Variants in TMPRSS15 observed in about 807,000 individuals in gnomAD.
The protein encoded by TMPRSS15 is transmembrane serine protease 15.
In TMPRSS15, 128 loss-of-function variants were observed where a neutral mutation model predicts 125.3. The observed-to-expected ratio is 1.02, with a 90% CI of 0.89 to 1.18. The LOEUF (loss-of-function observed/expected upper bound fraction) is 1.18, where lower values mean the gene tolerates loss of function less well. TMPRSS15 is among the 50% of genes most tolerant of loss of function. TMPRSS15 has a pLI of 0.00. For missense variants in TMPRSS15, 1,283 were observed against 1,212.7 expected (o/e 1.06, Z -0.86); for synonymous variants, 446 against 423.2 (o/e 1.05, Z -0.66).
At chr21:18,329,507 T>G (rs2075324286) in intron 14 of TMPRSS15, among the ~76,000 whole-genome samples, 1 of 151,680 alleles carries the variant, frequency 6.6e-6, no homozygotes, top group Non-Finnish European at 1.5e-5. Context: ...TATAGTAACA[T>G]TTCAATTAAA....
intron 8 of TMPRSS15, among the ~76,000 whole-genome samples, chr21:18,358,541 C>A (rs2147019097): frequency 6.6e-6 from 1 of 151,650 alleles, no homozygotes; most frequent in East Asian, 1.9e-4. Context: ...TTTTTAAGAG[C>A]AAATGTGACT....
intron 10 of TMPRSS15, among the ~76,000 whole-genome samples, chr21:18,345,284 A>G (rs1266193772): frequency 6.6e-6 from 1 of 152,148 alleles, no homozygotes; most frequent in Non-Finnish European, 1.5e-5. Flanking sequence ...TACATATCTT[A>G]GCTATTTTGT....
Position 18,413,312 on chromosome 21 carries a change from TTTCCTTCCTTCCTTCCTTCC to T in TMPRSS15, c.11-15003_11-14984del, listed in dbSNP as rs749971208. ...TCTTTCTTTTCTTTCTTTTCTTTCTTTTCCTTCCTTCCTTCCTTCCTTCCTTCCTTCCTTCCTTCCTTCCT... is the reference window on the plus strand; with the variant it reads ...TCTTTCTTTTCTTTCTTTTCTTTCTTTTCCTTCCTTCCTTCCTTCCTTCCT... On this transcript the variant is annotated intron_variant, in intron 1 of 7. Transcript: ENST00000422787. 2.1e-3 allele frequency among the ~76,000 whole-genome samples: 197 copies of T among 94,862 alleles called. 1 individual carries two copies. Among genetic ancestry groups the T allele is most frequent in the African/African-American group, 7.1e-3 (174 of 24,352 alleles). The allele number at this position is 94,862 out of a possible 152,430, so 62.2% of individuals were successfully genotyped here. A position where few individuals can be genotyped will look rare whatever the true frequency, so the allele number is the denominator to read the frequency against.
At chr21:18,397,780 A>G in intron 3 of TMPRSS15, 99 bp downstream of exon 3, 1 of 640,750 alleles carries the variant, frequency 1.6e-6, no homozygotes, top group Non-Finnish European at 2.6e-6. Context: ...GAAAAATTTA[A>G]ATATTCCTCT....
At chr21:18,385,606 A>G (rs2075936557) in intron 3 of TMPRSS15, among the ~76,000 whole-genome samples, 1 of 152,220 alleles carries the variant, frequency 6.6e-6, no homozygotes, top group African/African-American at 2.4e-5. Context: ...CCTTGAGACC[A>G]TGAGTGAGGC....
At chr21:18,456,900 A>G (rs2068644730) in intron 1 of TMPRSS15, among the ~76,000 whole-genome samples, 1 of 152,110 alleles carries the variant, frequency 6.6e-6, no homozygotes, top group Non-Finnish European at 1.5e-5. Context: ...ACTGTTCTAG[A>G]AAATAAGATG....
intron 1 of TMPRSS15, among the ~76,000 whole-genome samples, chr21:18,476,270 G>C (rs1978878194): frequency 6.6e-6 from 1 of 152,100 alleles, no homozygotes; most frequent in African/African-American, 2.4e-5. Context: ...AATACTTCTT[G>C]ACAAGAAAAG....
chr21:18,352,939 C>T lies in TMPRSS15; in HGVS notation c.1135G>A (p.Gly379Arg). The change falls in exon 10 of 25, where the codon GGA becomes AGA. Residue 379 changes from glycine (G) to arginine (R), a missense_variant. Transcript: ENST00000284885. ...CCAAAAGTGTGGTCAAAATTGGGTCCAGTAAAAGGAGAAAAGGTGCTTCCC... is the reference window on the plus strand; with the variant it reads ...CCAAAAGTGTGGTCAAAATTGGGTCTAGTAAAAGGAGAAAAGGTGCTTCCC... ...IQGSTFSPFT[G>R]PNFDHTFGNA... 1.2e-6 allele frequency: 2 copies of T among 1,612,192 alleles called. No individual in the cohort carries two copies. The highest frequency in any genetic ancestry group is 1.7e-6 in the Non-Finnish European group (2 of 1,178,842).
chr21:18,367,722 G>T (rs1275671768), intron 6 of TMPRSS15, among the ~76,000 whole-genome samples: 1 of 152,088 alleles, frequency 6.6e-6, no homozygotes, highest in Non-Finnish European at 1.5e-5. Flanking sequence ...CTATGTGCCG[G>T]TCATTTTCTA....
At chr21:18,321,598 G>A (rs3787584) in intron 16 of TMPRSS15, among the ~76,000 whole-genome samples, 1 of 151,946 alleles carries the variant, frequency 6.6e-6, no homozygotes, top group African/African-American at 2.4e-5. Flanking sequence ...CGATCCGCCC[G>A]CCTTGGCCTC....
intron 11 of TMPRSS15, 67 bp downstream of exon 11, chr21:18,343,888 G>T: frequency 7.1e-7 from 1 of 1,414,934 alleles, no homozygotes; most frequent in Non-Finnish European, 1.0e-6. Flanking sequence ...ATATGAGCCT[G>T]GTGGCCTGAG....
chr21:18,308,081 G>A (rs2075055970), intron 18 of TMPRSS15, among the ~76,000 whole-genome samples: 1 of 152,132 alleles, frequency 6.6e-6, no homozygotes, highest in Admixed American at 6.6e-5. Flanking sequence ...CTAAGTTCCT[G>A]AGTCTATACA....
rs909542679 is a variant in TMPRSS15 at position 18,285,757 on chromosome 21, C to A, written c.2487-4536G>T. On this transcript the variant is annotated intron_variant, in intron 21 of 24. Transcript: ENST00000284885. ...GTGACTCTCATATAATGATCATTAT[C>A]ATTACCACAGTTAAAAGAAAAGAGT... Among the ~76,000 whole-genome samples the A allele has an allele frequency of 9.2e-5, 14 of 152,278 alleles. No homozygotes were observed. In the East Asian group the frequency reaches 1.4e-3, roughly 15 times the overall value.
At position 18,354,100 on chromosome 21, in the gene TMPRSS15, G is replaced by T. The variant is rs578238595; in HGVS notation, c.881-237C>A. On this transcript the variant is annotated intron_variant, in intron 8 of 24. Transcript: ENST00000284885. ...ACATATTTATGGTTTGATAAAAAAG[G>T]TATTTTTAATTTTTAATTGTTAGCT... Among the ~76,000 whole-genome samples the T allele has an allele frequency of 7.6e-4, 116 of 151,824 alleles. No individual in the cohort carries two copies. The Middle Eastern group carries it at 0.01, about 13-fold the overall frequency.
Position 18,269,997 on chromosome 21 carries a change from G to C in TMPRSS15, c.3032C>G (p.Thr1011Ser), listed in dbSNP as rs1036805136. 6.2e-7 allele frequency: 1 copy of C among 1,613,772 alleles called. No individual in the cohort carries two copies. The highest frequency in any genetic ancestry group is 1.7e-5 in the Admixed American group (1 of 59,992). Residue 1011 changes from threonine to serine, a missense_variant, in exon 25 of 25, where the codon ACC (threonine) becomes AGC (serine). Physicochemically the swap from Thr to Ser is moderately conservative, Grantham distance 58. Transcript: ENST00000284885. The part of the protein sequence containing the change: ...PGVYARVSRF[T>S]EWIQSFLH ...ATGTAGAAAACTTTGTATCCATTCG[G>C]TAAACCTTGAGACCCTGGCATACAC...
At chr21:18,436,141 C>A (rs1479465745) in intron 1 of TMPRSS15, among the ~76,000 whole-genome samples, 1 of 151,248 alleles carries the variant, frequency 6.6e-6, no homozygotes, top group African/African-American at 2.4e-5. Flanking sequence ...TTTAGTTCTG[C>A]TCTGATTTTA....
chr21:18,409,141 A>G (rs899525839), intron 1 of TMPRSS15, among the ~76,000 whole-genome samples: 1 of 151,630 alleles, frequency 6.6e-6, no homozygotes. Flanking sequence ...AATTCTGAAG[A>G]TTTTTTTAAT....
At chr21:18,366,978 G>T (rs949072783) in intron 6 of TMPRSS15, among the ~76,000 whole-genome samples, 5 of 151,834 alleles carry the variant, frequency 3.3e-5, no homozygotes, top group Non-Finnish European at 7.4e-5. Flanking sequence ...ATAGCAAATA[G>T]AAATCTTGAT....
intron 1 of TMPRSS15, among the ~76,000 whole-genome samples, chr21:18,477,198 G>A (rs1177150644): frequency 6.6e-6 from 1 of 152,080 alleles, no homozygotes; most frequent in African/African-American, 2.4e-5. Context: ...GAAACTGGCA[G>A]TGGAGCCTGC....
Sources: gnomAD v4.1 joint callset for allele counts (sites outside exome capture counted in the v4.1 genomes callset) on GRCh38, gnomAD v4.1.1 for gene constraint, MANE v1.5 for transcripts, NCBI Gene and HGNC (gene_info 2026-07-23, HGNC 2026-07-21) for gene names.